The following RALYL variants were observed in gnomAD, a reference collection of about 807,000 sequenced individuals.
The protein encoded by RALYL is RALY RNA binding protein like.
A neutral mutation model predicts 35.1 loss-of-function variants in RALYL; 29 were observed. The ratio of observed to expected loss-of-function variants is 0.83; its 90% CI spans 0.61 to 1.13. The LOEUF (loss-of-function observed/expected upper bound fraction) is 1.13, where lower values mean the gene tolerates loss of function less well. Ranked by LOEUF, RALYL falls within the 50% of genes most tolerant of loss-of-function variation. The pLI is 0.00. For missense variants in RALYL, 359 were observed against 360.4 expected (o/e 1.00, Z 0.03); for synonymous variants, 120 against 127.6 (o/e 0.94, Z 0.40).
At chr8:84,461,897 GAT>G (rs1489735310) in intron 1 of RALYL, among the ~76,000 whole-genome samples, 2 of 151,356 alleles carry the variant, frequency 1.3e-5, no homozygotes, top group Non-Finnish European at 3.0e-5. Flanking sequence ...AGCCAGTATG[GAT>G]ATGCTATTAT....
At chr8:84,623,072 A>G (rs1232865456) in intron 2 of RALYL, among the ~76,000 whole-genome samples, 1 of 152,180 alleles carries the variant, frequency 6.6e-6, no homozygotes, top group Non-Finnish European at 1.5e-5. Context: ...ACAATTCTCA[A>G]TGCTAAGTTC....
rs1444669931 is a variant in RALYL at position 84,238,170 on chromosome 8, C to A, written c.-24+53746C>A. 2.0e-5 allele frequency among the ~76,000 whole-genome samples: 3 copies of A among 151,840 alleles called. No homozygotes were observed. The East Asian group carries it at 5.8e-4, about 29-fold the overall frequency. The stretch of plus-strand genomic sequence containing the variant: ...TTCTCCTTCATAAAAATATAATGGT[C>A]TATTATCAGAGGTGAGGTACACATT... On this transcript the variant is annotated intron_variant, in intron 1 of 8. Coordinates refer to ENST00000521268, the MANE Select transcript of RALYL (RefSeq NM_173848.7).
intron 2 of RALYL, among the ~76,000 whole-genome samples, chr8:84,756,255 A>T (rs11989750): frequency 0.23 from 34,793 of 151,970 alleles, 4,211 homozygotes; most frequent in Non-Finnish European, 0.25. Flanking sequence ...CAAAGAAAAC[A>T]AGACACAAAG....
intron 2 of RALYL, among the ~76,000 whole-genome samples, chr8:84,548,619 A>C (rs998855440): frequency 6.6e-5 from 10 of 152,164 alleles, no homozygotes; most frequent in Admixed American, 4.6e-4. Flanking sequence ...TTCACTTTTC[A>C]ATGTTTTCAG....
chr8:84,567,617 G>A (rs548817560), intron 2 of RALYL, among the ~76,000 whole-genome samples: 19 of 150,958 alleles, frequency 1.3e-4, no homozygotes, highest in African/African-American at 4.6e-4. Context: ...TGAGCACTTA[G>A]GTTGGTTCCA....
intron 2 of RALYL, among the ~76,000 whole-genome samples, chr8:84,682,508 CAATTTCA>C (rs1835785092): frequency 6.6e-6 from 1 of 152,164 alleles, no homozygotes; most frequent in Admixed American, 6.6e-5. Flanking sequence ...ATTATTGCCT[CAATTTCA>C]GAGCCTGTTA....
chr8:84,743,683 C>G (rs181325139), intron 2 of RALYL, among the ~76,000 whole-genome samples: 2 of 151,840 alleles, frequency 1.3e-5, no homozygotes, highest in East Asian at 3.9e-4. Flanking sequence ...CAAAAAGGCA[C>G]AAGACAATGT....
At position 84,362,756 on chromosome 8, in the gene RALYL, G is replaced by A. The variant is rs1853331107; in HGVS notation, c.-23-166543G>A. Among the ~76,000 whole-genome samples the A allele has an allele frequency of 2.0e-5, 3 of 152,214 alleles. 1 individual carries two copies. The highest frequency in any genetic ancestry group is 4.8e-5 in the African/African-American group (2 of 41,528). ...TGGTGTAAAAAATTTGGAGACCACT[G>A]CTCTGGAGGGATTTCTTTATCTTTG... On this transcript the variant is annotated intron_variant, in intron 1 of 8. Transcript: ENST00000521268.
At chr8:84,496,350 G>A (rs2056016389) in intron 1 of RALYL, among the ~76,000 whole-genome samples, 1 of 152,102 alleles carries the variant, frequency 6.6e-6, no homozygotes, top group African/African-American at 2.4e-5. Flanking sequence ...TTGCAAACAT[G>A]TTGGTACCAT....
intron 1 of RALYL, among the ~76,000 whole-genome samples, chr8:84,491,257 T>TA (rs1412637464): frequency 6.6e-6 from 1 of 152,054 alleles, no homozygotes; most frequent in Non-Finnish European, 1.5e-5. Context: ...CATCTCATCA[T>TA]ATGTGGTGTT....
rs1854663470 is a variant in RALYL at position 84,367,353 on chromosome 8, T to C, written c.-23-161946T>C. On this transcript the variant is annotated intron_variant, in intron 1 of 8. Coordinates refer to ENST00000521268, the MANE Select transcript of RALYL (RefSeq NM_173848.7). Reference sequence around the variant, plus strand: ...TTTTTTTTTTTTTTTTTTTTTTTTTTTTTTTTTTTTTTTTTTAGTAGAGGC... The same window carrying C: ...TTTTTTTTTTTTTTTTTTTTTTTTTCTTTTTTTTTTTTTTTTAGTAGAGGC... 5.2e-5 allele frequency among the ~76,000 whole-genome samples: 5 copies of C among 96,260 alleles called. No homozygotes were observed. The South Asian group carries it at 1.7e-3, about 33-fold the overall frequency. 63.2% of individuals were successfully genotyped at this position (96,260 alleles called of 152,430 possible).
chr8:84,647,562 C>T (rs77205133), intron 2 of RALYL, among the ~76,000 whole-genome samples: 2,441 of 152,102 alleles, frequency 0.016, 25 homozygotes, highest in Middle Eastern at 0.051. Context: ...TGAAATATAA[C>T]CCAGAATATG....
chr8:84,235,787 A>T (rs538791807), intron 1 of RALYL, among the ~76,000 whole-genome samples: 96 of 88,644 alleles, frequency 1.1e-3, no homozygotes, highest in Admixed American at 1.6e-3. Flanking sequence ...TTTTTTTTTG[A>T]GACAGAGTCT....
At chr8:84,259,692 AACT>A (rs1563625291) in intron 1 of RALYL, among the ~76,000 whole-genome samples, 2 of 152,160 alleles carry the variant, frequency 1.3e-5, no homozygotes, top group East Asian at 1.9e-4. Context: ...TTTGTGATCA[AACT>A]ACTGTTTATC....
intron 1 of RALYL, among the ~76,000 whole-genome samples, chr8:84,457,577 A>G (rs1015862705): frequency 6.6e-6 from 1 of 151,924 alleles, no homozygotes; most frequent in South Asian, 2.1e-4. Flanking sequence ...ATTGTTCTGT[A>G]TGACATCATT....
At chr8:84,595,821 T>C (rs1362811339) in intron 2 of RALYL, among the ~76,000 whole-genome samples, 1 of 150,592 alleles carries the variant, frequency 6.6e-6, no homozygotes, top group Non-Finnish European at 1.5e-5. Context: ...ATTTGTAGTA[T>C]GAGCCTGATC....
chr8:84,895,457 T>C (rs998264097), intron 8 of RALYL, among the ~76,000 whole-genome samples: 4 of 152,120 alleles, frequency 2.6e-5, no homozygotes, highest in East Asian at 3.9e-4. Flanking sequence ...GCCAAGTCTT[T>C]CCGTTTTTAT....
chr8:84,871,001 C>G (rs1433291655), intron 6 of RALYL, among the ~76,000 whole-genome samples: 1 of 152,134 alleles, frequency 6.6e-6, no homozygotes, highest in African/African-American at 2.4e-5. Flanking sequence ...TTTGCTGCCC[C>G]CCCATTCTAA....
At chr8:84,487,404 C>T (rs1587714627) in intron 1 of RALYL, among the ~76,000 whole-genome samples, 1 of 152,100 alleles carries the variant, frequency 6.6e-6, no homozygotes, top group Middle Eastern at 3.4e-3. Context: ...AATACATTTG[C>T]AGAATTCAAG....
Sources: gnomAD v4.1 joint callset for allele counts (sites outside exome capture counted in the v4.1 genomes callset) on GRCh38, gnomAD v4.1.1 for gene constraint, MANE v1.5 for transcripts, NCBI Gene and HGNC (gene_info 2026-07-23, HGNC 2026-07-21) for gene names.